Variants in SNTG1 observed in about 807,000 individuals in gnomAD.
SNTG1 encodes the protein syntrophin gamma 1.
In SNTG1, 39 loss-of-function variants were observed where a neutral mutation model predicts 74.7. The ratio of observed to expected loss-of-function variants is 0.52; its 90% confidence interval spans 0.40 to 0.68. The LOEUF (loss-of-function observed/expected upper bound fraction) is 0.68. Among genes scored for constraint, SNTG1 ranks in the 30% least tolerant of loss-of-function variants. The pLI is 0.00. For synonymous variants in SNTG1, 254 were observed against 217.1 expected (o/e 1.17, Z -1.49); for missense variants, 685 against 609.5 (o/e 1.12, Z -1.30).
At chr8:50,363,548 C>A (rs1435095181) in intron 2 of SNTG1, among the ~76,000 whole-genome samples, 1 of 151,960 alleles carries the variant, frequency 6.6e-6, no homozygotes, top group East Asian at 1.9e-4. Context: ...ACTTTTAGAT[C>A]CTCAGTTGTG....
intron 1 of SNTG1, among the ~76,000 whole-genome samples, chr8:50,055,057 G>C (rs1343579066): frequency 2.6e-5 from 4 of 151,624 alleles, no homozygotes; most frequent in African/African-American, 9.7e-5. Context: ...TCTTCAAATG[G>C]ACTGCAATTG....
At position 50,796,482 on chromosome 8, in the gene SNTG1, T is replaced by C. The variant is rs1179955039; in HGVS notation, c.*3653T>C. The C allele has an allele frequency of 6.6e-6, 1 of 151,894 alleles. No homozygotes were observed. Among genetic ancestry groups the C allele is most frequent in the South Asian group, 2.1e-4 (1 of 4,828 alleles). The allele number at this position is 151,894 out of a possible 1,614,324, so 9.4% of individuals were successfully genotyped here. A position where few individuals can be genotyped will look rare whatever the true frequency, so the allele number is the denominator to read the frequency against. On this transcript the variant is annotated 3_prime_UTR_variant, in exon 19 of 19. Transcript: ENST00000642720. Reference sequence around the variant, plus strand: ...TTATAAATGTTATATATTTTATACATGTTAAAATGCAGTGAAAAGACAAGA... The same window carrying C: ...TTATAAATGTTATATATTTTATACACGTTAAAATGCAGTGAAAAGACAAGA...
intron 2 of SNTG1, among the ~76,000 whole-genome samples, chr8:50,195,619 G>C (rs75974357): frequency 6.6e-6 from 1 of 152,296 alleles, no homozygotes; most frequent in African/African-American, 2.4e-5. Flanking sequence ...GGGCCTTTCT[G>C]CTTCTTCCTC....
At chr8:50,499,598 A>G (rs1447928126) in intron 8 of SNTG1, among the ~76,000 whole-genome samples, 1 of 150,668 alleles carries the variant, frequency 6.6e-6, no homozygotes, top group African/African-American at 2.4e-5. Flanking sequence ...ACACTCTTTT[A>G]TTTTTTCTAA....
At position 50,794,194 on chromosome 8, in the gene SNTG1, A is replaced by G. The variant is rs1284205508; in HGVS notation, c.*1365A>G. ...GTATTATGTGTGTCCTTGTGGAGAT[A>G]ACCAAGTATCTAATAAATTGATTCA... On this transcript the variant is annotated 3_prime_UTR_variant, in exon 19 of 19. Coordinates refer to ENST00000642720, the MANE Select transcript of SNTG1 (RefSeq NM_018967.5). 2.0e-5 allele frequency: 3 copies of G among 151,900 alleles called. No homozygotes were observed. Among genetic ancestry groups the G allele is most frequent in the African/African-American group, 7.2e-5 (3 of 41,406 alleles). The allele number at this position is 151,900 out of a possible 1,614,324, so 9.4% of individuals were successfully genotyped here. A position where few individuals can be genotyped will look rare whatever the true frequency, so the allele number is the denominator to read the frequency against.
At chr8:50,419,766 A>T (rs969352702) in intron 4 of SNTG1, among the ~76,000 whole-genome samples, 1 of 152,218 alleles carries the variant, frequency 6.6e-6, no homozygotes, top group African/African-American at 2.4e-5. Context: ...ATGTTAAAAT[A>T]GCAGTCATAA....
At chr8:50,498,178 T>C (rs980635013) in intron 8 of SNTG1, among the ~76,000 whole-genome samples, 4 of 151,946 alleles carry the variant, frequency 2.6e-5, no homozygotes, top group African/African-American at 9.7e-5. Context: ...TTTTATGAAA[T>C]TGCTAAATTA....
At chr8:50,746,271 A>G (rs2095554955) in intron 17 of SNTG1, among the ~76,000 whole-genome samples, 1 of 151,978 alleles carries the variant, frequency 6.6e-6, no homozygotes, top group African/African-American at 2.4e-5. Context: ...CTATGTTGAA[A>G]TAAACTATAA....
intron 15 of SNTG1, among the ~76,000 whole-genome samples, chr8:50,669,381 T>A (rs552120060): frequency 6.6e-6 from 1 of 152,100 alleles, no homozygotes; most frequent in East Asian, 1.9e-4. Context: ...CCCACAGAAA[T>A]ACAAACTACC....
chr8:50,474,182 A>G (rs1040775854), intron 8 of SNTG1, among the ~76,000 whole-genome samples: 4 of 152,096 alleles, frequency 2.6e-5, no homozygotes, highest in Non-Finnish European at 5.9e-5. Flanking sequence ...CTTCACGTCT[A>G]AAACACCAAA....
chr8:50,338,211 G>C (rs920368323), intron 2 of SNTG1, among the ~76,000 whole-genome samples: 1 of 151,990 alleles, frequency 6.6e-6, no homozygotes, highest in South Asian at 2.1e-4. Flanking sequence ...AATGCAAAAA[G>C]GGAGACAAAA....
intron 9 of SNTG1, among the ~76,000 whole-genome samples, chr8:50,522,471 C>T (rs1162606546): frequency 6.6e-6 from 1 of 152,028 alleles, no homozygotes; most frequent in East Asian, 1.9e-4. Flanking sequence ...TATCCTTGCC[C>T]TAGGATTTCA....
At chr8:49,920,138 C>A (rs776678473) in intron 1 of SNTG1, among the ~76,000 whole-genome samples, 3 of 151,972 alleles carry the variant, frequency 2.0e-5, no homozygotes, top group Non-Finnish European at 2.9e-5. Context: ...ATATTGTGTT[C>A]TTTTCCAAGA....
chr8:50,257,147 C>A (rs906567573), intron 2 of SNTG1, among the ~76,000 whole-genome samples: 2 of 152,094 alleles, frequency 1.3e-5, no homozygotes, highest in Admixed American at 6.6e-5. Flanking sequence ...GCAGCAGGAG[C>A]TCTTTCTGAG....
At chr8:50,631,942 C>G (rs114430707) in intron 13 of SNTG1, among the ~76,000 whole-genome samples, 2,093 of 152,266 alleles carry the variant, frequency 0.014, 47 homozygotes, top group African/African-American at 0.047. Context: ...CTATATTTTA[C>G]TAGTCTAGTT....
chr8:50,736,322 A>C (rs2095528606), intron 17 of SNTG1, among the ~76,000 whole-genome samples: 1 of 151,200 alleles, frequency 6.6e-6, no homozygotes, highest in African/African-American at 2.4e-5. Flanking sequence ...AAGATCAAAA[A>C]ACACAAAGAA....
At position 50,324,938 on chromosome 8, in the gene SNTG1, CATATATATATATAT is replaced by C. The variant is rs201152206; in HGVS notation, c.-27-69254_-27-69241del. ...TAATTGTGTGTGTGTGCATTTTATA[CATATATATATATAT>C]ATATATATATATATATATAGACAGA... is the stretch of plus-strand genomic sequence containing the variant. On this transcript the variant is annotated intron_variant, in intron 2 of 18. Coordinates refer to ENST00000642720, the MANE Select transcript of SNTG1 (RefSeq NM_018967.5). Among the ~76,000 whole-genome samples the C allele has an allele frequency of 1.8e-3, 245 of 133,988 alleles. 3 individuals carry two copies. The highest frequency in any genetic ancestry group is 0.015 in the East Asian group (69 of 4,612). 87.9% of individuals were successfully genotyped at this position (133,988 alleles called of 152,430 possible).
At chr8:49,976,399 A>G (rs1812194585) in intron 1 of SNTG1, among the ~76,000 whole-genome samples, 2 of 152,124 alleles carry the variant, frequency 1.3e-5, no homozygotes, top group Admixed American at 1.3e-4. Flanking sequence ...AAATGTACAT[A>G]TTGCCTGATT....
intron 1 of SNTG1, among the ~76,000 whole-genome samples, chr8:50,011,156 C>T (rs546522912): frequency 2.0e-5 from 3 of 152,190 alleles, no homozygotes; most frequent in South Asian, 2.1e-4. Flanking sequence ...AATCCATCTC[C>T]TCATCTCATT....
Sources: allele counts gnomAD v4.1 joint callset (sites outside exome capture counted in the v4.1 genomes callset), GRCh38; gene constraint gnomAD v4.1.1; transcripts MANE v1.5; gene names NCBI Gene and HGNC (gene_info 2026-07-23, HGNC 2026-07-21).